The following POLA1 variants were observed in gnomAD, a reference collection of about 807,000 sequenced individuals.
POLA1 encodes the protein DNA polymerase alpha catalytic subunit.
A neutral mutation model predicts 124.0 loss-of-function variants in POLA1; 15 were observed. The observed-to-expected ratio is 0.12, with a 90% CI of 0.08 to 0.19. The LOEUF (loss-of-function observed/expected upper bound fraction) is 0.19. Among genes scored for constraint, POLA1 ranks in the 10% least tolerant of loss-of-function variants. The pLI is 1.00. For missense variants in POLA1, 886 were observed against 1,103.4 expected (o/e 0.80, Z 2.79); for synonymous variants, 408 against 389.4 (o/e 1.05, Z -0.56).
Position 24,709,048 on chromosome X carries a change from G to C in POLA1, c.346+4579G>C, listed in dbSNP as rs1340989590. On this transcript the variant is annotated intron_variant, in intron 4 of 36. Coordinates refer to ENST00000379068, the MANE Select transcript of POLA1 (RefSeq NM_001330360.2). ...CCCCCACCTCCCTCCCAGACGGGGC[G>C]GCTGGCCGGGCGGGGGGCTGACACC... Among the ~76,000 whole-genome samples, 446 of 96,140 alleles carry C rather than the reference G, an allele frequency of 4.6e-3. 2 individuals carry two copies. Among genetic ancestry groups the C allele is most frequent in the Non-Finnish European group, 8.3e-3 (374 of 45,278 alleles). The allele number at this position is 96,140 out of a possible 115,157, so 83.5% of individuals were successfully genotyped here.
Position 24,741,999 on chromosome X carries a change from T to C in POLA1, c.2347-3T>C, listed in dbSNP as rs762022436. ...AATTTAAAAAATAAATTCCATTTAATAGTCCAGGACGCTGATGGGTGGACG... is the reference window on the plus strand; with the variant it reads ...AATTTAAAAAATAAATTCCATTTAACAGTCCAGGACGCTGATGGGTGGACG... On this transcript the variant is annotated splice_polypyrimidine_tract_variant and splice_region_variant and intron_variant, in intron 21 of 36. Coordinates refer to ENST00000379068, the MANE Select transcript of POLA1 (RefSeq NM_001330360.2). 4.2e-6 allele frequency: 5 copies of C among 1,185,710 alleles called. No homozygotes were observed. In the East Asian group the frequency reaches 1.5e-4, roughly 36 times the overall value.
At chrX:24,886,594 A>G (rs1013954473) in intron 34 of POLA1, among the ~76,000 whole-genome samples, 4 of 111,597 alleles carry the variant, frequency 3.6e-5, no homozygotes, top group African/African-American at 1.3e-4. Flanking sequence ...ATGAGGTCAA[A>G]CGGCACAGCA....
At position 24,798,774 on chromosome X, in the gene POLA1, C is replaced by T. The variant is rs138746407; in HGVS notation, c.2965-11124C>T. Among the ~76,000 whole-genome samples, 19 of 111,302 alleles carry T rather than the reference C, an allele frequency of 1.7e-4. No individual in the cohort carries two copies. In the East Asian group the frequency reaches 4.8e-3, roughly 28 times the overall value. On this transcript the variant is annotated intron_variant, in intron 26 of 36. Coordinates refer to ENST00000379068, the MANE Select transcript of POLA1 (RefSeq NM_001330360.2). ...CAAGGGGATTGGTGCCCCTAACCTC[C>T]GCATCGTTCAAGGGTCAACTGTATT...
At chrX:24,976,258 A>G (rs1206967336) in intron 36 of POLA1, among the ~76,000 whole-genome samples, 1 of 112,146 alleles carries the variant, frequency 8.9e-6, no homozygotes, top group Admixed American at 9.4e-5. Flanking sequence ...CATTTTGGGA[A>G]AGCAGTACAG....
At chrX:24,823,403 CTT>C (rs1405893977) in intron 31 of POLA1, among the ~76,000 whole-genome samples, 4 of 99,256 alleles carry the variant, frequency 4.0e-5, no homozygotes, top group Non-Finnish European at 2.1e-5. Context: ...TATCATGACA[CTT>C]TTTTTTTTTT....
chrX:24,770,685 C>G (rs1233820358), intron 26 of POLA1, among the ~76,000 whole-genome samples: 1 of 111,059 alleles, frequency 9.0e-6, no homozygotes, highest in African/African-American at 3.3e-5. Flanking sequence ...TTCCTTACCC[C>G]CATCTCTGAC....
intron 35 of POLA1, among the ~76,000 whole-genome samples, chrX:24,899,761 G>A (rs760581838): frequency 8.1e-5 from 9 of 111,510 alleles, no homozygotes; most frequent in Admixed American, 3.8e-4. Flanking sequence ...AAAGTGAGGC[G>A]TATTGCTTTG....
chrX:24,961,572 T>C (rs1232961820), intron 36 of POLA1, among the ~76,000 whole-genome samples: 1 of 110,817 alleles, frequency 9.0e-6, no homozygotes, highest in Non-Finnish European at 1.9e-5. Flanking sequence ...CCTCTTCGAG[T>C]GCCCAGGAGA....
At chrX:24,902,939 T>G (rs1441880318) in intron 35 of POLA1, among the ~76,000 whole-genome samples, 1 of 112,062 alleles carries the variant, frequency 8.9e-6, no homozygotes, top group Non-Finnish European at 1.9e-5. Flanking sequence ...AGTTTGCTTG[T>G]GGAAGTGGAC....
At chrX:24,719,590 T>A (rs2148349829) in intron 10 of POLA1, among the ~76,000 whole-genome samples, 1 of 111,634 alleles carries the variant, frequency 9.0e-6, no homozygotes, top group South Asian at 3.8e-4. Flanking sequence ...CCTCAGGGAA[T>A]ACCATTTTCA....
In POLA1 at chrX:24,940,314, G is replaced by T. The variant is rs1319905417; in HGVS notation, c.4261+9765G>T. 2.7e-5 allele frequency among the ~76,000 whole-genome samples: 3 copies of T among 111,679 alleles called. No homozygotes were observed. In the Admixed American group the frequency reaches 2.8e-4, roughly 11 times the overall value. On this transcript the variant is annotated intron_variant, in intron 36 of 36. Coordinates refer to ENST00000379068, the MANE Select transcript of POLA1 (RefSeq NM_001330360.2). Reference sequence around the variant, plus strand: ...AAGAGAAATCCCAGAACCGTTTTTGGTCTGTAGGAGCCTATTTTAGCCCAG... The same window carrying T: ...AAGAGAAATCCCAGAACCGTTTTTGTTCTGTAGGAGCCTATTTTAGCCCAG...
intron 24 of POLA1, among the ~76,000 whole-genome samples, chrX:24,745,762 C>A (rs1245141882): frequency 8.9e-6 from 1 of 111,879 alleles, no homozygotes; most frequent in Non-Finnish European, 1.9e-5. Context: ...CCAAAGAAAC[C>A]TTTTAGCTGT....
intron 34 of POLA1, among the ~76,000 whole-genome samples, chrX:24,850,349 T>C (rs1430199284): frequency 1.8e-5 from 2 of 112,301 alleles, no homozygotes; most frequent in Non-Finnish European, 3.8e-5. Context: ...ACATGCCAGC[T>C]ATGTATTCTA....
intron 30 of POLA1, among the ~76,000 whole-genome samples, chrX:24,818,736 A>G (rs947534030): frequency 8.9e-6 from 1 of 112,475 alleles, no homozygotes; most frequent in Non-Finnish European, 1.9e-5. Context: ...ATTTCTTTCT[A>G]TGAAAAATAG....
chrX:24,780,147 G>A (rs921484410), intron 26 of POLA1, among the ~76,000 whole-genome samples: 1 of 112,166 alleles, frequency 8.9e-6, no homozygotes, highest in African/African-American at 3.2e-5. Flanking sequence ...TCGGCCTGTA[G>A]TTTTCTTTTT....
intron 26 of POLA1, among the ~76,000 whole-genome samples, chrX:24,754,918 A>G (rs753127491): frequency 8.9e-6 from 1 of 112,860 alleles, no homozygotes; most frequent in East Asian, 2.8e-4. Flanking sequence ...TTCGATGAAT[A>G]TAGCACAGTG....
intron 19 of POLA1, 21 bp downstream of exon 19, chrX:24,737,762 CTT>C: frequency 1.3e-6 from 1 of 771,635 alleles, no homozygotes; most frequent in Non-Finnish European, 1.9e-6. Flanking sequence ...TTTTCAAAAT[CTT>C]ATTTATCTAT....
intron 32 of POLA1, among the ~76,000 whole-genome samples, chrX:24,839,186 ATACC>A (rs2046379270): frequency 8.9e-6 from 1 of 111,852 alleles, no homozygotes; most frequent in Non-Finnish European, 1.9e-5. Flanking sequence ...GGATCATTAT[ATACC>A]TAATATTTTA....
rs917645609 is a variant in POLA1, at chrX:24,996,041, C to T, written c.*91C>T. The stretch of plus-strand genomic sequence containing the variant: ...CTGGCCCTAAATGCTCCTCCAGCAT[C>T]TGTTTCTCCCTTGGGACTGTGTCTC... On this transcript the variant is annotated 3_prime_UTR_variant, in exon 37 of 37. Transcript: ENST00000379068. 2.5e-6 allele frequency: 2 copies of T among 810,592 alleles called. No individual in the cohort carries two copies. Among genetic ancestry groups the T allele is most frequent in the Non-Finnish European group, 3.6e-6 (2 of 556,246 alleles). The allele number at this position is 810,592 out of a possible 1,213,427, so 66.8% of individuals were successfully genotyped here. A position where few individuals can be genotyped will look rare whatever the true frequency, so the allele number is the denominator to read the frequency against.
Sources: gnomAD v4.1 joint callset for allele counts (sites outside exome capture counted in the v4.1 genomes callset) on GRCh38, gnomAD v4.1.1 for gene constraint, MANE v1.5 for transcripts, NCBI Gene and HGNC (gene_info 2026-07-23, HGNC 2026-07-21) for gene names.